The following RP1 variants were observed in gnomAD, a reference collection of about 807,000 sequenced individuals.
The protein encoded by RP1 is RP1 axonemal microtubule associated, also known as oxygen-regulated protein 1.
RP1 carries 16 observed loss-of-function variants against 14.8 expected under a neutral mutation model. The ratio of observed to expected loss-of-function variants is 1.08; its 90% CI spans 0.73 to 1.65. RP1 has a LOEUF of 1.65. RP1 is among the 40% of genes most tolerant of loss of function. The probability of loss-of-function intolerance (pLI) is 0.00; values close to 1 mark genes in which losing one functional copy is unlikely to be tolerated. For synonymous variants in RP1, 876 were observed against 883.6 expected, an observed-to-expected ratio of 0.99 and a Z score of 0.15; for missense variants, 2,631 against 2,535.0, an observed-to-expected ratio of 1.04 and a Z score of -0.81.
intron 24 of RP1, among the ~76,000 whole-genome samples, chr8:54,818,113 C>T (rs1330454867): frequency 1.3e-5 from 2 of 152,212 alleles, no homozygotes; most frequent in African/African-American, 4.8e-5. Context: ...ATGTTAACAA[C>T]AACTGCTTAG....
At chr8:54,805,196 TTC>T (rs1188904147) in intron 24 of RP1, among the ~76,000 whole-genome samples, 1 of 152,240 alleles carries the variant, frequency 6.6e-6, no homozygotes, top group Non-Finnish European at 1.5e-5. Context: ...TCCCTGATTA[TTC>T]TCTGTCAAGA....
At chr8:54,584,094 G>C (rs1233517046) in intron 1 of RP1, among the ~76,000 whole-genome samples, 2 of 152,026 alleles carry the variant, frequency 1.3e-5, no homozygotes, top group African/African-American at 4.8e-5. Context: ...TGTGATGTTA[G>C]GGTGTCAATT....
chr8:54,841,086 A>T (rs777501538), intron 25 of RP1, among the ~76,000 whole-genome samples: 4 of 152,230 alleles, frequency 2.6e-5, no homozygotes, highest in African/African-American at 7.2e-5. Flanking sequence ...GGGCATGCTG[A>T]GTACCATCTT....
At chr8:54,605,445 T>A (rs1165495595) in intron 1 of RP1, among the ~76,000 whole-genome samples, 2 of 152,128 alleles carry the variant, frequency 1.3e-5, no homozygotes, top group East Asian at 3.8e-4. Flanking sequence ...TGCTGAGAAG[T>A]GCTTTACTTC....
At chr8:54,658,220 T>C (rs1207884374) in intron 6 of RP1, among the ~76,000 whole-genome samples, 1 of 152,208 alleles carries the variant, frequency 6.6e-6, no homozygotes, top group East Asian at 1.9e-4. Flanking sequence ...TAATGTAATG[T>C]CTATGGTATA....
intron 12 of RP1, among the ~76,000 whole-genome samples, chr8:54,683,342 T>C (rs1212350216): frequency 6.6e-6 from 1 of 152,124 alleles, no homozygotes; most frequent in East Asian, 1.9e-4. Context: ...CCATTAAGAA[T>C]GTCAATGGTG....
intron 1 of RP1, among the ~76,000 whole-genome samples, chr8:54,571,782 T>C (rs1264909477): frequency 6.6e-6 from 1 of 152,196 alleles, no homozygotes; most frequent in African/African-American, 2.4e-5. Flanking sequence ...CCTCAGCTCC[T>C]GGTGGTTTGC....
At chr8:54,837,673 T>C (rs528858055) in intron 25 of RP1, 1 of 1,219,416 alleles carries the variant, frequency 8.2e-7, no homozygotes, top group South Asian at 4.2e-5. Flanking sequence ...TTGCCAGGTA[T>C]ATAATTTCAT....
chr8:54,629,189 C>A lies in RP1; in HGVS notation c.5307C>A (p.Thr1769=), dbSNP rs763875862. The A allele has an allele frequency of 1.9e-6, 3 of 1,613,948 alleles. No homozygotes were observed. In the African/African-American group the frequency reaches 4.0e-5, roughly 22 times the overall value. The change falls in exon 4 of 4, where the codon ACC becomes ACA. Residue 1769 remains threonine (T), a synonymous_variant. Transcript: ENST00000220676. ...CTGGCATGTGTGGCAATGCAGACAC[C>A]ACATCAGTGGACACCCTACTTGATA... ...ENPGMCGNAD[T]TSVDTLLDNN...
At chr8:54,824,421 T>C (rs1811334283) in intron 24 of RP1, among the ~76,000 whole-genome samples, 1 of 152,214 alleles carries the variant, frequency 6.6e-6, no homozygotes, top group Non-Finnish European at 1.5e-5. Context: ...GAATTTTTAA[T>C]TTAGAAACTC....
chr8:54,575,949 C>G (rs186999928), intron 1 of RP1, among the ~76,000 whole-genome samples: 1 of 152,074 alleles, frequency 6.6e-6, no homozygotes, highest in East Asian at 1.9e-4. Flanking sequence ...GTGCTACTTT[C>G]TTAAACATTC....
rs1022986056 is a variant in RP1 at position 54,783,786 on chromosome 8, A to AT, written c.3615+82dup. ...ATCCCCGAAGATGAAATGGAGTGTA[A>AT]TTTTTTGTTGTTCTTTTGGTATTGC... is the stretch of plus-strand genomic sequence containing the variant. On this transcript the variant is annotated intron_variant, in intron 24 of 28. Coordinates refer to the RP1 transcript ENST00000637698. 41 of 1,028,454 alleles carry AT rather than the reference A, an allele frequency of 4.0e-5. No individual in the cohort carries two copies. In the African/African-American group the frequency reaches 5.8e-4, roughly 15 times the overall value. 63.7% of individuals were successfully genotyped at this position (1,028,454 alleles called of 1,614,324 possible).
At chr8:54,701,341 A>T in intron 13 of RP1, 1 of 628,464 alleles carries the variant, frequency 1.6e-6, no homozygotes, top group Non-Finnish European at 2.4e-6. Context: ...AATAAAACCT[A>T]CTGAATTTCA....
chr8:54,774,764 A>G (rs1809993312), downstream of RP1, among the ~76,000 whole-genome samples: 1 of 152,314 alleles, frequency 6.6e-6, no homozygotes, highest in Non-Finnish European at 1.5e-5. Context: ...ACAGTAATAA[A>G]ATACACTCAG....
chr8:54,650,667 C>T (rs543880553), intron 4 of RP1, among the ~76,000 whole-genome samples: 12 of 145,316 alleles, frequency 8.3e-5, no homozygotes, highest in South Asian at 2.4e-4. Context: ...TCCCCTCCCC[C>T]GTCTACCTCC....
intron 24 of RP1, among the ~76,000 whole-genome samples, chr8:54,811,461 T>C (rs944101070): frequency 4.6e-5 from 7 of 152,236 alleles, no homozygotes; most frequent in African/African-American, 1.7e-4. Flanking sequence ...ACATTTTCTA[T>C]ACCTGCACAG....
At position 54,734,643 on chromosome 8, in the gene RP1, ACT is replaced by A. The variant is rs1411611957; in HGVS notation, c.2625_2626del (p.Trp876GlyfsTer5). ...AAATACAGGAACTCAAGCCAATGTCACTCTCTGGGTGTATGGAGATAAAGGAG... is the reference window on the plus strand; with the variant it reads ...AAATACAGGAACTCAAGCCAATGTCACTCTGGGTGTATGGAGATAAAGGAG... On this transcript the variant is annotated frameshift_variant, in exon 18 of 23. Transcript: ENST00000636932. LOFTEE classifies it high-confidence loss of function. 1 of 1,535,636 alleles carries A rather than the reference ACT, an allele frequency of 6.5e-7. No individual in the cohort carries two copies. Among genetic ancestry groups the A allele is most frequent in the Admixed American group, 2.0e-5 (1 of 50,954 alleles).
At chr8:54,670,547 GTATATGTATATATATACATATATA>G (rs1807139681) in intron 7 of RP1, among the ~76,000 whole-genome samples, 1 of 111,054 alleles carries the variant, frequency 9.0e-6, no homozygotes, top group African/African-American at 3.3e-5. Context: ...ATATATGTAT[GTATATGTATATATATACATATATA>G]TGTATGTATA....
At chr8:54,704,276 A>G (rs567922651) in intron 14 of RP1, among the ~76,000 whole-genome samples, 4 of 152,148 alleles carry the variant, frequency 2.6e-5, no homozygotes, top group Admixed American at 6.5e-5. Context: ...AGAGGCCATT[A>G]TAGGGTTATT....
Sources: gnomAD v4.1 joint callset for allele counts (sites outside exome capture counted in the v4.1 genomes callset) on GRCh38, gnomAD v4.1.1 for gene constraint, MANE v1.5 for transcripts, NCBI Gene and HGNC (gene_info 2026-07-23, HGNC 2026-07-21) for gene names.